The following MALRD1 variants were observed in gnomAD, a reference collection of about 807,000 sequenced individuals.
MALRD1 encodes the protein MAM and LDL-receptor class A domain-containing protein 1.
Under a neutral mutation model 242.1 loss-of-function variants are expected in MALRD1, and 247 were observed. That is an observed-to-expected ratio of 1.02 (90% CI 0.92 to 1.13). The LOEUF is 1.13. Ranked by LOEUF, MALRD1 falls within the 50% of genes most tolerant of loss-of-function variation. The probability of loss-of-function intolerance (pLI) is 0.00; values close to 1 mark genes in which losing one functional copy is unlikely to be tolerated. For missense variants in MALRD1, 2,989 were observed against 2,533.1 expected (o/e 1.18, Z -3.86); for synonymous variants, 995 against 866.6 (o/e 1.15, Z -2.60).
chr10:19,151,337 T>C (rs1034419274), intron 11 of MALRD1, among the ~76,000 whole-genome samples: 1 of 152,150 alleles, frequency 6.6e-6, no homozygotes, highest in Non-Finnish European at 1.5e-5. Flanking sequence ...ATTTTGATTA[T>C]TGCTGACATA....
At chr10:19,454,796 C>T (rs1233932692) in intron 29 of MALRD1, among the ~76,000 whole-genome samples, 2 of 151,364 alleles carry the variant, frequency 1.3e-5, no homozygotes, top group African/African-American at 2.4e-5. Context: ...TAGTTATCTA[C>T]TTTAGCTGCA....
intron 38 of MALRD1, among the ~76,000 whole-genome samples, chr10:19,723,081 A>C (rs78521382): frequency 6.6e-6 from 1 of 152,138 alleles, no homozygotes; most frequent in Non-Finnish European, 1.5e-5. Context: ...GAGAGCATCA[A>C]TTCCTTTCAG....
At chr10:19,667,693 G>A (rs1314518598) in intron 36 of MALRD1, among the ~76,000 whole-genome samples, 1 of 151,954 alleles carries the variant, frequency 6.6e-6, no homozygotes, top group Non-Finnish European at 1.5e-5. Context: ...ATGATTGAAA[G>A]CTCCCTGAGG....
chr10:19,154,873 T>C (rs561532172), intron 11 of MALRD1, among the ~76,000 whole-genome samples: 24 of 152,330 alleles, frequency 1.6e-4, no homozygotes, highest in Non-Finnish European at 4.4e-5. Context: ...TTGTTTTAAT[T>C]GATTAAATGT....
At chr10:19,528,809 A>G (rs947199290) in intron 31 of MALRD1, among the ~76,000 whole-genome samples, 4 of 152,112 alleles carry the variant, frequency 2.6e-5, no homozygotes, top group African/African-American at 9.7e-5. Context: ...AAAATCAACA[A>G]TTCTTTTTAG....
At chr10:19,353,960 A>T (rs1390015262) in intron 26 of MALRD1, among the ~76,000 whole-genome samples, 1 of 151,910 alleles carries the variant, frequency 6.6e-6, no homozygotes, top group Admixed American at 6.6e-5. Flanking sequence ...TCTTGAGCTC[A>T]AAGCAATCCA....
chr10:19,161,520 T>G (rs1387991337), intron 12 of MALRD1, among the ~76,000 whole-genome samples: 1 of 45,708 alleles, frequency 2.2e-5, no homozygotes, highest in Non-Finnish European at 4.3e-5. Context: ...AATAAATAAA[T>G]AAATATAATA....
In MALRD1 at chr10:19,590,659, T is replaced by C. The variant is rs894025213; in HGVS notation, c.5681-4535T>C. ...AAATAGTTAGATATCTCACCACCGG[T>C]ATTTTATTTTATATAGCAAAATTAA... On this transcript the variant is annotated intron_variant, in intron 33 of 39. Coordinates refer to ENST00000454679, the MANE Select transcript of MALRD1 (RefSeq NM_001142308.3). Among the ~76,000 whole-genome samples the C allele has an allele frequency of 3.9e-5, 6 of 152,288 alleles. No individual in the cohort carries two copies. In the East Asian group the frequency reaches 1.2e-3, roughly 29 times the overall value.
chr10:19,387,393 G>C (rs1017711456), intron 26 of MALRD1, 135 bp from the exon 27 acceptor site: 2 of 1,015,256 alleles, frequency 2.0e-6, no homozygotes. Flanking sequence ...AGAGAGATGG[G>C]GTTCAGGTAC....
At chr10:19,378,945 T>C (rs531611394) in intron 26 of MALRD1, among the ~76,000 whole-genome samples, 2 of 152,098 alleles carry the variant, frequency 1.3e-5, no homozygotes, top group African/African-American at 2.4e-5. Flanking sequence ...AGAGTCTTCT[T>C]TGTGACAAGA....
intron 38 of MALRD1, among the ~76,000 whole-genome samples, chr10:19,714,457 G>A (rs1834286891): frequency 6.6e-6 from 1 of 152,154 alleles, no homozygotes; most frequent in African/African-American, 2.4e-5. Context: ...CTGCCTGCAT[G>A]TCTGTCTGCT....
chr10:19,301,902 T>A (rs1189544171), intron 21 of MALRD1, among the ~76,000 whole-genome samples: 1 of 151,794 alleles, frequency 6.6e-6, no homozygotes, highest in Admixed American at 6.6e-5. Flanking sequence ...TAAATAACTC[T>A]TATAACTAAG....
At chr10:19,716,898 A>G (rs1273403849) in intron 38 of MALRD1, 1 of 152,218 alleles carries the variant, frequency 6.6e-6, no homozygotes, top group Non-Finnish European at 1.5e-5. Flanking sequence ...ATTCTGCAAT[A>G]TAGCAAAAAA....
chr10:19,137,998 G>C lies in MALRD1; in HGVS notation c.1411+1217G>C, dbSNP rs1588600401. Among the ~76,000 whole-genome samples, 2 of 152,148 alleles carry C rather than the reference G, an allele frequency of 1.3e-5. 1 individual carries two copies. Among genetic ancestry groups the C allele is most frequent in the South Asian group, 4.1e-4 (2 of 4,830 alleles). On this transcript the variant is annotated intron_variant, in intron 10 of 39. Coordinates refer to ENST00000454679, the MANE Select transcript of MALRD1 (RefSeq NM_001142308.3). Reference sequence around the variant, plus strand: ...AGCAGAGGTGAAAATATTATAATAAGATAAATGCCACCTTTTAAGTGAAAA... The same window carrying C: ...AGCAGAGGTGAAAATATTATAATAACATAAATGCCACCTTTTAAGTGAAAA...
At chr10:19,346,040 C>T (rs1428572179) in intron 24 of MALRD1, among the ~76,000 whole-genome samples, 1 of 152,008 alleles carries the variant, frequency 6.6e-6, no homozygotes, top group Non-Finnish European at 1.5e-5. Context: ...CCACCTTAGC[C>T]TCCTAAAATG....
intron 21 of MALRD1, among the ~76,000 whole-genome samples, chr10:19,297,916 C>T (rs763344508): frequency 6.6e-6 from 1 of 151,884 alleles, no homozygotes; most frequent in Non-Finnish European, 1.5e-5. Context: ...GCGATGGCTA[C>T]ACCCAACATG....
intron 4 of MALRD1, among the ~76,000 whole-genome samples, chr10:19,102,858 T>A (rs1836317969): frequency 6.7e-6 from 1 of 149,016 alleles, no homozygotes; most frequent in Admixed American, 6.7e-5. Flanking sequence ...TCATTTCTTC[T>A]TTTTTTTTGA....
At chr10:19,472,681 G>A (rs1383724385) in intron 29 of MALRD1, among the ~76,000 whole-genome samples, 2 of 151,554 alleles carry the variant, frequency 1.3e-5, no homozygotes, top group African/African-American at 4.8e-5. Context: ...TATCAAAGTT[G>A]TTAGAATACA....
At chr10:19,676,512 A>G (rs1197934940) in intron 36 of MALRD1, among the ~76,000 whole-genome samples, 2 of 152,218 alleles carry the variant, frequency 1.3e-5, no homozygotes, top group African/African-American at 4.8e-5. Context: ...CTGGAATGAC[A>G]TGATTTGAAA....
Sources: allele counts gnomAD v4.1 joint callset (sites outside exome capture counted in the v4.1 genomes callset), GRCh38; gene constraint gnomAD v4.1.1; transcripts MANE v1.5; gene names NCBI Gene and HGNC (gene_info 2026-07-23, HGNC 2026-07-21).